Variants in LAMB3 observed in about 807,000 individuals in gnomAD.
LAMB3 encodes the protein laminin subunit beta 3, also known as laminin subunit beta-3.
LAMB3 carries 104 observed loss-of-function variants against 140.3 expected under a neutral mutation model. The ratio of observed to expected loss-of-function variants is 0.74; its 90% confidence interval spans 0.63 to 0.87. The LOEUF (loss-of-function observed/expected upper bound fraction) is 0.87. Ranked by LOEUF, LAMB3 falls within the 40% of genes least tolerant of loss-of-function variation. The probability of loss-of-function intolerance (pLI) is 0.00; values close to 1 mark genes in which losing one functional copy is unlikely to be tolerated. For missense variants in LAMB3, 1,531 were observed against 1,575.2 expected (o/e 0.97, Z 0.47); for synonymous variants, 592 against 602.9 (o/e 0.98, Z 0.26).
intron 6 of LAMB3, among the ~76,000 whole-genome samples, chr1:209,633,650 G>C (rs548065650): frequency 6.6e-6 from 1 of 152,294 alleles, no homozygotes; most frequent in African/African-American, 2.4e-5. Context: ...TTCTTATCTG[G>C]TGTGTGAAGA....
rs780672070 is a variant in LAMB3, at chr1:209,634,689, G to A, written c.373-51C>T. ...AGGGGAGGCACTGGGGCTGTGCCCC[G>A]TGGAGACACAAGCAGAGAGACAGGC... On this transcript the variant is annotated intron_variant, in intron 5 of 22. Coordinates refer to ENST00000356082, the MANE Select transcript of LAMB3 (RefSeq NM_000228.3). 55 of 1,451,976 alleles carry A rather than the reference G, an allele frequency of 3.8e-5. 1 individual carries two copies. Among genetic ancestry groups the A allele is most frequent in the African/African-American group, 2.2e-4 (16 of 71,788 alleles). 89.9% of individuals were successfully genotyped at this position (1,451,976 alleles called of 1,614,324 possible).
chr1:209,616,468 C>A lies in LAMB3; in HGVS notation c.3382+3G>T, dbSNP rs747391376. The stretch of plus-strand genomic sequence containing the variant: ...AGTCCATGCCCCTAAACCATTCCCT[C>A]ACCTTTCATCCTGTCCATCATCTCC... On this transcript the variant is annotated splice_donor_region_variant and intron_variant, in intron 22 of 22. Transcript: ENST00000356082. 6.2e-7 allele frequency: 1 copy of A among 1,614,102 alleles called. No individual in the cohort carries two copies. Among genetic ancestry groups the A allele is most frequent in the South Asian group, 1.1e-5 (1 of 91,082 alleles).
rs753454602 is a variant in LAMB3, at chr1:209,615,364, C to T, written c.3426G>A (p.Leu1142=). The change falls in exon 23 of 23, where the codon CTG becomes CTA. Residue 1142 remains leucine, a synonymous_variant. Coordinates refer to ENST00000356082, the MANE Select transcript of LAMB3 (RefSeq NM_000228.3). ...CCAGTCCTGTCAGGTCCGCTGAGCG[C>T]AGCATGATGGCCTGGCTGCCCCGCA... ...ELLRGSQAIM[L]RSADLTGLEK... 15 of 1,612,282 alleles carry T rather than the reference C, an allele frequency of 9.3e-6. No individual in the cohort carries two copies. The African/African-American group carries it at 1.6e-4, about 17-fold the overall frequency.
chr1:209,633,159 G>T lies in LAMB3; in HGVS notation c.565-26C>A, dbSNP rs756790250. On this transcript the variant is annotated intron_variant, in intron 6 of 22. Transcript: ENST00000356082. ...CTACAGAGGGAAGGGAAAGAGAAGC[G>T]CTGAAGAAGAGACAAATAGTGTGCC... The T allele has an allele frequency of 2.6e-6, 4 of 1,557,006 alleles. No individual in the cohort carries two copies. The Admixed American group carries it at 6.7e-5, about 26-fold the overall frequency.
At chr1:209,647,290 A>G (rs1263288376) in intron 3 of LAMB3, among the ~76,000 whole-genome samples, 1 of 152,246 alleles carries the variant, frequency 6.6e-6, no homozygotes, top group Admixed American at 6.5e-5. Context: ...ACAAAAAGGA[A>G]GCCACACTTG....
intron 21 of LAMB3, 55 bp downstream of exon 21, chr1:209,617,355 C>G: frequency 6.4e-7 from 1 of 1,570,084 alleles, no homozygotes; most frequent in Non-Finnish European, 8.7e-7. Flanking sequence ...TCCTCCTCTG[C>G]TCAGGACCCC....
chr1:209,632,501 T>C, intron 8 of LAMB3, 82 bp downstream of exon 8: 1 of 1,126,694 alleles, frequency 8.9e-7, no homozygotes, highest in African/African-American at 1.6e-5. Context: ...GTGCCCTTCC[T>C]GCTTTACAGG....
At chr1:209,617,674 G>A in intron 20 of LAMB3, 88 bp from the exon 21 acceptor site, 2 of 1,482,736 alleles carry the variant, frequency 1.3e-6, no homozygotes, top group Admixed American at 1.8e-5. Context: ...TCATCAGGCA[G>A]CAAAAACCCT....
chr1:209,638,704 C>A, intron 3 of LAMB3, 56 bp from the exon 4 acceptor site: 1 of 1,173,456 alleles, frequency 8.5e-7, no homozygotes. Flanking sequence ...AGAATTCCCC[C>A]TTGCGTCCTG....
rs1159162418 is a variant in LAMB3, at chr1:209,616,624, C to T, written c.3229G>A (p.Gly1077Arg). 3.7e-6 allele frequency: 6 copies of T among 1,613,958 alleles called. No homozygotes were observed. The African/African-American group carries it at 5.3e-5, about 14-fold the overall frequency. Residue 1077 changes from glycine to arginine, a missense_variant and splice_region_variant, in exon 22 of 23, where the codon GGA becomes AGA. By Grantham distance (125) the Gly-to-Arg change is moderately radical. Coordinates refer to ENST00000356082, the MANE Select transcript of LAMB3 (RefSeq NM_000228.3). ...TACTTTTGTTTTATTCTCTCAAATC[C>T]CTGAAAAAGGTAGAATAGTCTCAGT... ...ASEQALSAQEGFERIKQKYAE... is the reference protein window; with the variant it reads ...ASEQALSAQERFERIKQKYAE...
In LAMB3 at chr1:209,637,002, G is replaced by A. The variant is rs139261206; in HGVS notation, c.372+906C>T. ...AATGAGTAATCAGTGTTCAATAAGC[G>A]CTCACAAATAAATGACAAATAAATG... On this transcript the variant is annotated intron_variant, in intron 5 of 22. Transcript: ENST00000356082. 2.6e-5 allele frequency among the ~76,000 whole-genome samples: 4 copies of A among 152,246 alleles called. No homozygotes were observed. In the South Asian group the frequency reaches 6.2e-4, roughly 24 times the overall value.
Position 209,626,863 on chromosome 1 carries a change from G to A in LAMB3, c.1597+4C>T. On this transcript the variant is annotated splice_donor_region_variant and intron_variant, in intron 13 of 22. Coordinates refer to ENST00000356082, the MANE Select transcript of LAMB3 (RefSeq NM_000228.3). ...TCAGCGTCCCCCAGGCTTTGAGCAT[G>A]CACCTCGGCATCCTGTGGCCACGTC... 6.2e-7 allele frequency: 1 copy of A among 1,610,290 alleles called. No homozygotes were observed. Among genetic ancestry groups the A allele is most frequent in the Non-Finnish European group, 8.5e-7 (1 of 1,176,920 alleles).
Position 209,629,719 on chromosome 1 carries a change from T to C in LAMB3, c.1132+18A>G. On this transcript the variant is annotated intron_variant, in intron 10 of 22. Coordinates refer to ENST00000356082, the MANE Select transcript of LAMB3 (RefSeq NM_000228.3). ...TAACAGACAAATGACACTCTGGGAC[T>C]CCGGAGCCTCTACTCACAGATGCAG... 6.2e-7 allele frequency: 1 copy of C among 1,613,266 alleles called. No homozygotes were observed. Among genetic ancestry groups the C allele is most frequent in the East Asian group, 2.2e-5 (1 of 44,886 alleles).
chr1:209,616,682 G>C, intron 21 of LAMB3, 58 bp from the exon 22 acceptor site: 1 of 1,557,652 alleles, frequency 6.4e-7, no homozygotes, highest in Admixed American at 1.7e-5. Context: ...CTAAAGACCT[G>C]TGGCCAAAGC....
Position 209,625,498 on chromosome 1 carries a change from A to G in LAMB3, c.1976+150T>C, listed in dbSNP as rs1018620060. 6 of 1,051,266 alleles carry G rather than the reference A, an allele frequency of 5.7e-6. No homozygotes were observed. In the African/African-American group the frequency reaches 9.4e-5, roughly 16 times the overall value. The allele number at this position is 1,051,266 out of a possible 1,614,324, so 65.1% of individuals were successfully genotyped here. ...ATCTGCAAAACCACACCAGCCTCACAGGACTGTTGTAATGGTTGAAAGAGA... is the reference window on the plus strand; with the variant it reads ...ATCTGCAAAACCACACCAGCCTCACGGGACTGTTGTAATGGTTGAAAGAGA... On this transcript the variant is annotated intron_variant, in intron 14 of 22. Coordinates refer to ENST00000356082, the MANE Select transcript of LAMB3 (RefSeq NM_000228.3).
At chr1:209,632,988 A>C in intron 7 of LAMB3, 82 bp downstream of exon 7, 1 of 1,170,450 alleles carries the variant, frequency 8.5e-7, no homozygotes, top group Non-Finnish European at 1.3e-6. Context: ...ATGAAAGACC[A>C]GGAAATTTCC....
At chr1:209,626,358 C>T (rs1441239273) in intron 13 of LAMB3, among the ~76,000 whole-genome samples, 4 of 151,460 alleles carry the variant, frequency 2.6e-5, no homozygotes, top group African/African-American at 4.8e-5. Context: ...ATGCCTCTTC[C>T]TCTAAGAAGG....
intron 20 of LAMB3, 146 bp from the exon 21 acceptor site, chr1:209,617,732 C>G: frequency 8.1e-7 from 1 of 1,235,542 alleles, no homozygotes; most frequent in Non-Finnish European, 1.2e-6. Context: ...CCTCCTTCTG[C>G]ATCCCAGCCA....
chr1:209,620,075 G>C (rs969649220), intron 18 of LAMB3, among the ~76,000 whole-genome samples: 1 of 152,174 alleles, frequency 6.6e-6, no homozygotes, highest in African/African-American at 2.4e-5. Flanking sequence ...TCCCCACCTA[G>C]ATCTTGCCCT....
Sources: gnomAD v4.1 joint callset for allele counts (sites outside exome capture counted in the v4.1 genomes callset) on GRCh38, gnomAD v4.1.1 for gene constraint, MANE v1.5 for transcripts, NCBI Gene and HGNC (gene_info 2026-07-23, HGNC 2026-07-21) for gene names.